FGGY: variants seen among roughly 807,000 people sequenced by gnomAD.
FGGY encodes FGGY carbohydrate kinase domain-containing protein.
A neutral mutation model predicts 71.3 loss-of-function variants in FGGY; 72 were observed. The ratio of observed to expected loss-of-function variants is 1.01; its 90% CI spans 0.84 to 1.23. The LOEUF (loss-of-function observed/expected upper bound fraction) is 1.23, where lower values mean the gene tolerates loss of function less well. Ranked by LOEUF, FGGY falls within the 50% of genes most tolerant of loss-of-function variation. The probability of loss-of-function intolerance (pLI) is 0.00; values close to 1 mark genes in which losing one functional copy is unlikely to be tolerated. For synonymous variants in FGGY, 251 were observed against 250.3 expected, an observed-to-expected ratio of 1.00 and a Z score of -0.02; for missense variants, 668 against 682.3, an observed-to-expected ratio of 0.98 and a Z score of 0.23.
chr1:59,733,647 A>G (rs1367191470), intron 14 of FGGY, among the ~76,000 whole-genome samples: 1 of 151,940 alleles, frequency 6.6e-6, no homozygotes, highest in Non-Finnish European at 1.5e-5. Flanking sequence ...ATTTCTCTTG[A>G]TTTCTTTCTT....
chr1:59,659,132 G>T (rs1374947313), intron 11 of FGGY, among the ~76,000 whole-genome samples: 5 of 152,172 alleles, frequency 3.3e-5, no homozygotes, highest in Non-Finnish European at 5.9e-5. Context: ...AACCCAGGAG[G>T]TGGAGGTTGC....
intron 2 of FGGY, among the ~76,000 whole-genome samples, chr1:59,325,365 GCAA>G (rs1057204390): frequency 1.0e-4 from 7 of 66,770 alleles, no homozygotes; most frequent in East Asian, 5.2e-4. Flanking sequence ...TCCAACAACA[GCAA>G]CAACAACAAC....
chr1:59,406,426 A>C (rs835413), intron 5 of FGGY, among the ~76,000 whole-genome samples: 6,033 of 152,248 alleles, frequency 0.04, 357 homozygotes, highest in African/African-American at 0.14. Flanking sequence ...AGCATTGTGC[A>C]AAAGTACTGT....
intron 5 of FGGY, among the ~76,000 whole-genome samples, chr1:59,437,019 T>G (rs532975045): frequency 9.9e-5 from 15 of 152,190 alleles, no homozygotes; most frequent in Non-Finnish European, 2.1e-4. Context: ...CTTCAGATGC[T>G]GAGTTTGTCT....
In FGGY at chr1:59,367,724, G is replaced by A. The variant is rs542157684; in HGVS notation, c.466-11025G>A. On this transcript the variant is annotated intron_variant, in intron 4 of 15. Coordinates refer to ENST00000303721, the MANE Select transcript of FGGY (RefSeq NM_018291.5). ...GCAGCAGAAACCTCACAGCTTCCCTGGAGTGGGAGGGAAAGGGTGAAAGCT... is the reference window on the plus strand; with the variant it reads ...GCAGCAGAAACCTCACAGCTTCCCTAGAGTGGGAGGGAAAGGGTGAAAGCT... Among the ~76,000 whole-genome samples, 8 of 152,252 alleles carry A rather than the reference G, an allele frequency of 5.3e-5. No homozygotes were observed. In the East Asian group the frequency reaches 1.4e-3, roughly 26 times the overall value.
intron 1 of FGGY, among the ~76,000 whole-genome samples, chr1:59,313,413 T>C (rs1379911672): frequency 6.6e-6 from 1 of 152,190 alleles, no homozygotes; most frequent in African/African-American, 2.4e-5. Context: ...TTAATATTTG[T>C]TTGTTTACTG....
At chr1:59,606,686 T>C (rs977271034) in intron 8 of FGGY, among the ~76,000 whole-genome samples, 1 of 152,232 alleles carries the variant, frequency 6.6e-6, no homozygotes, top group Non-Finnish European at 1.5e-5. Flanking sequence ...GCTTTGTTTA[T>C]AATGAGAGCT....
At chr1:59,430,737 C>G (rs906073665) in intron 5 of FGGY, among the ~76,000 whole-genome samples, 2 of 152,122 alleles carry the variant, frequency 1.3e-5, no homozygotes, top group Non-Finnish European at 2.9e-5. Context: ...TCATATATCT[C>G]AGTGTCGTCA....
chr1:59,540,081 C>T (rs879616670), intron 7 of FGGY, among the ~76,000 whole-genome samples: 24 of 152,174 alleles, frequency 1.6e-4, no homozygotes, highest in Non-Finnish European at 2.6e-4. Flanking sequence ...ACTACACACC[C>T]TGCAGGTTGG....
intron 6 of FGGY, among the ~76,000 whole-genome samples, chr1:59,491,815 G>C (rs918165835): frequency 1.3e-5 from 2 of 151,920 alleles, no homozygotes; most frequent in African/African-American, 4.8e-5. Context: ...AATAAGATAT[G>C]AATATTTGAA....
chr1:59,423,197 A>G (rs2065756416), intron 5 of FGGY, among the ~76,000 whole-genome samples: 1 of 152,204 alleles, frequency 6.6e-6, no homozygotes, highest in Admixed American at 6.5e-5. Context: ...AATACTGGGT[A>G]AAGGTCCCAC....
chr1:59,475,982 G>C (rs1166003021), intron 6 of FGGY, among the ~76,000 whole-genome samples: 4 of 152,214 alleles, frequency 2.6e-5, no homozygotes, highest in Non-Finnish European at 5.9e-5. Context: ...CGTGATCTCT[G>C]TCTGACTTTT....
intron 5 of FGGY, among the ~76,000 whole-genome samples, chr1:59,421,772 C>T (rs1170314294): frequency 6.6e-6 from 1 of 152,132 alleles, no homozygotes; most frequent in Non-Finnish European, 1.5e-5. Flanking sequence ...ATGCCTTGAC[C>T]TCTGAGTAGC....
chr1:59,425,844 G>A (rs369919400), intron 5 of FGGY, among the ~76,000 whole-genome samples: 1 of 152,072 alleles, frequency 6.6e-6, no homozygotes, highest in South Asian at 2.1e-4. Context: ...AAAATCAGCT[G>A]ACTCCTTACC....
At chr1:59,534,040 G>T (rs543978827) in intron 7 of FGGY, among the ~76,000 whole-genome samples, 22 of 152,150 alleles carry the variant, frequency 1.4e-4, no homozygotes, top group African/African-American at 5.1e-4. Context: ...TCCGAGCTAC[G>T]GGAGGACATT....
intron 14 of FGGY, among the ~76,000 whole-genome samples, chr1:59,720,999 C>G (rs71637750): frequency 0.016 from 2,489 of 152,302 alleles, 29 homozygotes; most frequent in Non-Finnish European, 0.026. Flanking sequence ...ACAGTTCCCT[C>G]CGTGTGGAAT....
chr1:59,471,298 A>G (rs1030959977), intron 6 of FGGY, among the ~76,000 whole-genome samples: 1 of 152,054 alleles, frequency 6.6e-6, no homozygotes, highest in Non-Finnish European at 1.5e-5. Flanking sequence ...CATGATTCTA[A>G]GTTTCCTGAG....
chr1:59,324,123 T>C (rs966332692), intron 2 of FGGY, among the ~76,000 whole-genome samples: 8 of 152,146 alleles, frequency 5.3e-5, no homozygotes, highest in African/African-American at 1.9e-4. Context: ...CTGAGATGAC[T>C]TTCCTCTTAG....
At chr1:59,374,986 A>T (rs1018013485) in intron 4 of FGGY, among the ~76,000 whole-genome samples, 2 of 151,530 alleles carry the variant, frequency 1.3e-5, no homozygotes, top group African/African-American at 4.8e-5. Context: ...TAGTGGGTGC[A>T]GCGCACCAGC....
Sources: gnomAD v4.1 joint callset for allele counts (sites outside exome capture counted in the v4.1 genomes callset) on GRCh38, gnomAD v4.1.1 for gene constraint, MANE v1.5 for transcripts, NCBI Gene and HGNC (gene_info 2026-07-23, HGNC 2026-07-21) for gene names.